MON1B: variants seen among roughly 807,000 people sequenced by gnomAD.
MON1B encodes the protein vacuolar fusion protein MON1 homolog B.
In MON1B, 26 loss-of-function variants were observed where a neutral mutation model predicts 45.1. The observed-to-expected ratio is 0.58, with a 90% confidence interval of 0.42 to 0.80. The LOEUF (loss-of-function observed/expected upper bound fraction) is 0.80, where lower values mean the gene tolerates loss of function less well. Among genes scored for constraint, MON1B ranks in the 30% least tolerant of loss-of-function variants. MON1B has a pLI of 0.00. For missense variants in MON1B, 737 were observed against 754.5 expected (o/e 0.98, Z 0.27); for synonymous variants, 395 against 320.2 (o/e 1.23, Z -2.49).
At chr16:77,196,018 C>T (rs2054662252) in intron 5 of MON1B, among the ~76,000 whole-genome samples, 1 of 152,134 alleles carries the variant, frequency 6.6e-6, no homozygotes, top group African/African-American at 2.4e-5. Flanking sequence ...TTGGAGGCAC[C>T]CCATTCATCA....
chr16:77,193,875 G>A lies in MON1B; in HGVS notation c.475+98G>A. On this transcript the variant is annotated intron_variant, in intron 3 of 5. Transcript: ENST00000248248. The surrounding 1 kb of genome is among the most constrained non-coding windows in gnomAD (Gnocchi z 5.0). ...CCTCAGGCACTATCCAGCCAGCCAGGGTTGGGTCCATGTGTGTGGATGGTC... is the reference window on the plus strand; with the variant it reads ...CCTCAGGCACTATCCAGCCAGCCAGAGTTGGGTCCATGTGTGTGGATGGTC... The A allele has an allele frequency of 2.3e-6, 3 of 1,318,592 alleles. No individual in the cohort carries two copies. The highest frequency in any genetic ancestry group is 3.1e-6 in the Non-Finnish European group (3 of 969,572). 81.7% of individuals were successfully genotyped at this position (1,318,592 alleles called of 1,614,324 possible). A position where few individuals can be genotyped will look rare whatever the true frequency, so the allele number is the denominator to read the frequency against.
In MON1B at chr16:77,199,438, C is replaced by A; in HGVS notation, c.*1130C>A. 6 of 1,551,444 alleles carry A rather than the reference C, an allele frequency of 3.9e-6. No individual in the cohort carries two copies. The highest frequency in any genetic ancestry group is 5.2e-6 in the Non-Finnish European group (6 of 1,146,910). On this transcript the variant is annotated 3_prime_UTR_variant, in exon 6 of 6. Coordinates refer to ENST00000248248, the MANE Select transcript of MON1B (RefSeq NM_014940.4). ...TCATCAAGCGAGGCTCGCGCGCAGG[C>A]CCCGCGTTGGAAAATGGCGGGGAAG...
rs371869680 is a variant in MON1B at position 77,194,669 on chromosome 16, G to A, written c.810G>A (p.Ala270=). 3.7e-4 allele frequency: 603 copies of A among 1,613,746 alleles called. No homozygotes were observed. The highest frequency in any genetic ancestry group is 4.9e-4 in the Non-Finnish European group (574 of 1,179,902). The part of the protein sequence containing the change: ...ALGALLRRCT[A]PGLALSVLAV... ...GTGCGCTCCTCCGACGTTGCACAGC[G>A]CCTGGCCTGGCGCTGTCAGTGCTGG... The change falls in exon 4 of 6, where the codon GCG becomes GCA. Residue 270 remains alanine (A), a synonymous_variant. Coordinates refer to ENST00000248248, the MANE Select transcript of MON1B (RefSeq NM_014940.4). The surrounding 1 kb of genome is among the most constrained non-coding windows in gnomAD (Gnocchi z 8.1).
chr16:77,196,924 G>A (rs984953516), intron 5 of MON1B, among the ~76,000 whole-genome samples: 1 of 152,014 alleles, frequency 6.6e-6, no homozygotes, highest in African/African-American at 2.4e-5. Flanking sequence ...TGATTTAGCC[G>A]GTGGGTACCC....
rs543036623 is a variant in MON1B at position 77,197,135 on chromosome 16, A to G, written c.1444-973A>G. ...ACGCCTATAATCCCAGCACTTTGGGAGGCTGAGTCGGGGTGGGAGTTGGGG... is the reference window on the plus strand; with the variant it reads ...ACGCCTATAATCCCAGCACTTTGGGGGGCTGAGTCGGGGTGGGAGTTGGGG... On this transcript the variant is annotated intron_variant, in intron 5 of 5. Coordinates refer to ENST00000248248, the MANE Select transcript of MON1B (RefSeq NM_014940.4). Among the ~76,000 whole-genome samples the G allele has an allele frequency of 8.5e-5, 13 of 152,174 alleles. No individual in the cohort carries two copies. The East Asian group carries it at 1.5e-3, about 18-fold the overall frequency.
At position 77,195,516 on chromosome 16, in the gene MON1B, C is replaced by T. The variant is rs774554424; in HGVS notation, c.1296-19C>T. The T allele has an allele frequency of 1.2e-5, 20 of 1,605,450 alleles. No homozygotes were observed. The highest frequency in any genetic ancestry group is 1.4e-5 in the Non-Finnish European group (17 of 1,174,820). ...GGCCCTGGACTAACCTTGTCCTCCACCTCCCTCCATCATGGCAGCCCTGAG... is the reference window on the plus strand; with the variant it reads ...GGCCCTGGACTAACCTTGTCCTCCATCTCCCTCCATCATGGCAGCCCTGAG... On this transcript the variant is annotated intron_variant, in intron 4 of 5. Coordinates refer to ENST00000248248, the MANE Select transcript of MON1B (RefSeq NM_014940.4).
rs1317030904 is a variant in MON1B, at chr16:77,198,155, C to G, written c.1491C>G (p.Thr497=). The change falls in exon 6 of 6, where the codon ACC becomes ACG. Residue 497 remains threonine (T), a synonymous_variant. Transcript: ENST00000248248. ...ATACCTGCCTCAGCCCTCTGGTGACCAAGGCAGGTGCAATCTTGGTAGTGA... is the reference window on the plus strand; with the variant it reads ...ATACCTGCCTCAGCCCTCTGGTGACGAAGGCAGGTGCAATCTTGGTAGTGA... ...ELYTCLSPLV[T]KAGAILVVTK... 6.2e-7 allele frequency: 1 copy of G among 1,614,138 alleles called. No homozygotes were observed. Among genetic ancestry groups the G allele is most frequent in the Non-Finnish European group, 8.5e-7 (1 of 1,180,014 alleles).
intron 2 of MON1B, among the ~76,000 whole-genome samples, 169 bp downstream of exon 2, chr16:77,191,802 T>C (rs751049457): frequency 3.9e-5 from 6 of 152,132 alleles, no homozygotes; most frequent in Admixed American, 3.3e-4. Context: ...GTAGTTTACA[T>C]CATTGAGGAA....
Position 77,201,875 on chromosome 16 carries a change from C to T in MON1B, c.*3567C>T, listed in dbSNP as rs1298272461. The T allele has an allele frequency of 1.3e-5, 2 of 151,876 alleles. No homozygotes were observed. Among genetic ancestry groups the T allele is most frequent in the East Asian group, 1.9e-4 (1 of 5,186 alleles). The allele number at this position is 151,876 out of a possible 1,614,324, so 9.4% of individuals were successfully genotyped here. On this transcript the variant is annotated 3_prime_UTR_variant, in exon 6 of 6. Transcript: ENST00000248248. ...ACACACAAGGAGCTCCAAAAGAGAT[C>T]GTATTTTTATTAGAGACAAGCCAGT...
Position 77,200,030 on chromosome 16 carries a change from C to G in MON1B, c.*1722C>G, listed in dbSNP as rs1055829531. The stretch of plus-strand genomic sequence containing the variant: ...ACACTATTGGAAATTGTATTCCATC[C>G]AAAAGAAAAAAAAATCTCAGGCCGG... On this transcript the variant is annotated 3_prime_UTR_variant, in exon 6 of 6. Transcript: ENST00000248248. 1 of 150,786 alleles carries G rather than the reference C, an allele frequency of 6.6e-6. No homozygotes were observed. Among genetic ancestry groups the G allele is most frequent in the Admixed American group, 6.6e-5 (1 of 15,162 alleles). 9.3% of individuals were successfully genotyped at this position (150,786 alleles called of 1,614,324 possible). A position where few individuals can be genotyped will look rare whatever the true frequency, so the allele number is the denominator to read the frequency against.
Position 77,194,731 on chromosome 16 carries a change from G to A in MON1B, c.872G>A (p.Arg291Gln), listed in dbSNP as rs781663046. The A allele has an allele frequency of 4.1e-5, 66 of 1,613,682 alleles. No homozygotes were observed. The highest frequency in any genetic ancestry group is 5.3e-5 in the Non-Finnish European group (62 of 1,179,810). Residue 291 changes from arginine to glutamine, a missense_variant, in exon 4 of 6, where the codon CGA becomes CAA. Coordinates refer to ENST00000248248, the MANE Select transcript of MON1B (RefSeq NM_014940.4). The surrounding 1 kb of genome is among the most constrained non-coding windows in gnomAD (Gnocchi z 8.1). ...GGRLITAAQE[R>Q]NVLAECRLDP... Reference sequence around the variant, plus strand: ...CGACTTATAACAGCAGCCCAGGAGCGAAATGTGCTGGCCGAGTGCCGGCTG... The same window carrying A: ...CGACTTATAACAGCAGCCCAGGAGCAAAATGTGCTGGCCGAGTGCCGGCTG...
At position 77,195,595 on chromosome 16, in the gene MON1B, C is replaced by T. The variant is rs1162596138; in HGVS notation, c.1356C>T (p.Tyr452=). 6.2e-6 allele frequency: 10 copies of T among 1,614,024 alleles called. No homozygotes were observed. Among genetic ancestry groups the T allele is most frequent in the Non-Finnish European group, 7.6e-6 (9 of 1,180,012 alleles). ...EEERQRLSDL[Y]HRLHARLHST... ...AGCGGCAGCGGCTGTCGGACCTGTA[C>T]CACCGCCTGCATGCTCGTCTCCACA... The change falls in exon 5 of 6, where the codon TAC becomes TAT. Residue 452 remains tyrosine, a synonymous_variant. Transcript: ENST00000248248.
In MON1B at chr16:77,201,737, G is replaced by C. The variant is rs1441960902; in HGVS notation, c.*3429G>C. The C allele has an allele frequency of 6.6e-6, 1 of 152,144 alleles. No homozygotes were observed. The highest frequency in any genetic ancestry group is 1.9e-4 in the East Asian group (1 of 5,200). The allele number at this position is 152,144 out of a possible 1,614,324, so 9.4% of individuals were successfully genotyped here. ...TGTGTGCATGCTGTGGAGTGTCTCT[G>C]TGGTGGATTTCTTTTTAAGAGGCAG... is the stretch of plus-strand genomic sequence containing the variant. On this transcript the variant is annotated 3_prime_UTR_variant, in exon 6 of 6. Coordinates refer to ENST00000248248, the MANE Select transcript of MON1B (RefSeq NM_014940.4).
Position 77,193,373 on chromosome 16 carries a change from G to A in MON1B, c.149-78G>A. The A allele has an allele frequency of 7.2e-7, 1 of 1,383,490 alleles. No homozygotes were observed. Among genetic ancestry groups the A allele is most frequent in the Non-Finnish European group, 9.9e-7 (1 of 1,014,524 alleles). 85.7% of individuals were successfully genotyped at this position (1,383,490 alleles called of 1,614,324 possible). On this transcript the variant is annotated intron_variant, in intron 2 of 5. Coordinates refer to ENST00000248248, the MANE Select transcript of MON1B (RefSeq NM_014940.4). This position sits in a 1 kb window ranked among gnomAD's most constrained non-coding sequence, Gnocchi z 5.0. ...TGCAGGGGTCATGGAGGGGCTAGTAGATATTTGGTGGGTCCTTGGGGATGT... is the reference window on the plus strand; with the variant it reads ...TGCAGGGGTCATGGAGGGGCTAGTAAATATTTGGTGGGTCCTTGGGGATGT...
intron 2 of MON1B, among the ~76,000 whole-genome samples, chr16:77,192,871 T>C (rs1471484074): frequency 6.6e-6 from 1 of 152,020 alleles, no homozygotes; most frequent in Non-Finnish European, 1.5e-5. Context: ...TGTTAGTGGA[T>C]ATTAACGACA....
Position 77,194,026 on chromosome 16 carries a change from A to C in MON1B, c.475+249A>C, listed in dbSNP as rs891140172. 1.8e-5 allele frequency: 11 copies of C among 600,538 alleles called. No individual in the cohort carries two copies. Among genetic ancestry groups the C allele is most frequent in the Admixed American group, 6.0e-5 (2 of 33,462 alleles). The allele number at this position is 600,538 out of a possible 1,614,324, so 37.2% of individuals were successfully genotyped here. A position where few individuals can be genotyped will look rare whatever the true frequency, so the allele number is the denominator to read the frequency against. ...ATACTTCTGTGTCACCTGAGAGGAT[A>C]ACTGTGGGGGCTGTGTGGTTGAGCT... On this transcript the variant is annotated intron_variant, in intron 3 of 5. Coordinates refer to ENST00000248248, the MANE Select transcript of MON1B (RefSeq NM_014940.4). This position sits in a 1 kb window ranked among gnomAD's most constrained non-coding sequence, Gnocchi z 8.1.
chr16:77,195,205 A>T, intron 4 of MON1B, 51 bp downstream of exon 4: 1 of 1,447,028 alleles, frequency 6.9e-7, no homozygotes, highest in Non-Finnish European at 9.2e-7. Flanking sequence ...CTGTCAAACC[A>T]GGAAGTTCAG....
Position 77,199,732 on chromosome 16 carries a change from A to T in MON1B, c.*1424A>T, listed in dbSNP as rs2054710143. Reference sequence around the variant, plus strand: ...ACCGAGATTAACTTTTGTCAACTGTAGTGTATACGTTGTTGAAAGTAAACA... The same window carrying T: ...ACCGAGATTAACTTTTGTCAACTGTTGTGTATACGTTGTTGAAAGTAAACA... On this transcript the variant is annotated 3_prime_UTR_variant, in exon 6 of 6. Coordinates refer to ENST00000248248, the MANE Select transcript of MON1B (RefSeq NM_014940.4). The T allele has an allele frequency of 2.0e-6, 1 of 494,444 alleles. No homozygotes were observed. Among genetic ancestry groups the T allele is most frequent in the Admixed American group, 3.6e-5 (1 of 27,718 alleles). 30.6% of individuals were successfully genotyped at this position (494,444 alleles called of 1,614,324 possible).
In MON1B at chr16:77,195,546, A is replaced by G. The variant is rs1567419665; in HGVS notation, c.1307A>G (p.Glu436Gly). Residue 436 changes from glutamate (E) to glycine (G), a missense_variant, in exon 5 of 6, where the codon GAG (glutamate) becomes GGG (glycine). By Grantham distance (98) the Glu-to-Gly change is moderately conservative. Coordinates refer to ENST00000248248, the MANE Select transcript of MON1B (RefSeq NM_014940.4). ...QLPQFTSPEL[E>G]APYSREEERQ... is the part of the protein sequence containing the mutation. Reference sequence around the variant, plus strand: ...CTCCATCATGGCAGCCCTGAGCTAGAGGCCCCCTACAGCAGAGAGGAGGAG... The same window carrying G: ...CTCCATCATGGCAGCCCTGAGCTAGGGGCCCCCTACAGCAGAGAGGAGGAG... 6.2e-7 allele frequency: 1 copy of G among 1,613,354 alleles called. No homozygotes were observed. Among genetic ancestry groups the G allele is most frequent in the East Asian group, 2.2e-5 (1 of 44,854 alleles).
Sources: allele counts gnomAD v4.1 joint callset (sites outside exome capture counted in the v4.1 genomes callset), GRCh38; gene constraint gnomAD v4.1.1; non-coding constraint Gnocchi (gnomAD v3.1); transcripts MANE v1.5; gene names NCBI Gene and HGNC (gene_info 2026-07-23, HGNC 2026-07-21).